CCDC102B: variants seen among roughly 807,000 people sequenced by gnomAD.
CCDC102B encodes the protein coiled-coil domain containing 102B.
In CCDC102B, 75 loss-of-function variants were observed where a neutral mutation model predicts 57.4. The ratio of observed to expected loss-of-function variants is 1.31; its 90% CI spans 1.08 to 1.58. CCDC102B has a LOEUF of 1.58. CCDC102B is among the 40% of genes most tolerant of loss of function. CCDC102B has a pLI of 0.00. For missense variants in CCDC102B, 636 were observed against 582.6 expected (o/e 1.09, Z -0.94); for synonymous variants, 206 against 201.9 (o/e 1.02, Z -0.17).
At chr18:68,745,174 G>A (rs182216804) in intron 2 of CCDC102B, among the ~76,000 whole-genome samples, 1 of 152,206 alleles carries the variant, frequency 6.6e-6, no homozygotes, top group East Asian at 1.9e-4. Flanking sequence ...GAAGTGGGGT[G>A]TGCTTGGTTC....
intron 2 of CCDC102B, among the ~76,000 whole-genome samples, chr18:68,735,892 G>A (rs1255868292): frequency 6.6e-6 from 1 of 152,086 alleles, no homozygotes; most frequent in Admixed American, 6.6e-5. Flanking sequence ...CTTCTAACGG[G>A]GTTAATTCCA....
chr18:68,884,235 C>A (rs2039795257), intron 5 of CCDC102B, among the ~76,000 whole-genome samples: 1 of 152,000 alleles, frequency 6.6e-6, no homozygotes, highest in African/African-American at 2.4e-5. Context: ...CACCATTATT[C>A]ACAATAGTCA....
Position 68,864,696 on chromosome 18 carries a change from G to T in CCDC102B, c.937-9973G>T, listed in dbSNP as rs115568152. Reference sequence around the variant, plus strand: ...ATTTTTATCCTTCTGTCCTTAAAAAGATCATATATGATTCAACTATCATTG... The same window carrying T: ...ATTTTTATCCTTCTGTCCTTAAAAATATCATATATGATTCAACTATCATTG... On this transcript the variant is annotated intron_variant, in intron 4 of 7. Transcript: ENST00000360242. 4.3e-3 allele frequency among the ~76,000 whole-genome samples: 658 copies of T among 152,038 alleles called. 4 individuals are homozygous for T. The highest frequency in any genetic ancestry group is 0.015 in the African/African-American group (618 of 41,502).
chr18:68,778,040 T>C (rs1026946158), intron 2 of CCDC102B, among the ~76,000 whole-genome samples: 1 of 152,104 alleles, frequency 6.6e-6, no homozygotes, highest in Non-Finnish European at 1.5e-5. Flanking sequence ...GAGGTAACAT[T>C]TTCAGGCAAG....
At chr18:68,728,430 A>C (rs904521452) in intron 2 of CCDC102B, among the ~76,000 whole-genome samples, 3 of 152,236 alleles carry the variant, frequency 2.0e-5, no homozygotes, top group African/African-American at 7.2e-5. Flanking sequence ...ATTGAACAAC[A>C]GAAACAAAAT....
At chr18:68,816,633 T>G (rs1314142122) in intron 1 of CCDC102B, among the ~76,000 whole-genome samples, 1 of 152,054 alleles carries the variant, frequency 6.6e-6, no homozygotes, top group Non-Finnish European at 1.5e-5. Context: ...GCCTGGCTAA[T>G]TTTTCTATTT....
intron 6 of CCDC102B, among the ~76,000 whole-genome samples, chr18:68,926,369 T>C (rs2041475826): frequency 6.6e-6 from 1 of 151,896 alleles, no homozygotes; most frequent in South Asian, 2.1e-4. Context: ...TGCAGAAGCA[T>C]TGATGAATCA....
At chr18:68,824,414 C>A (rs1339776497) in intron 1 of CCDC102B, among the ~76,000 whole-genome samples, 1 of 152,178 alleles carries the variant, frequency 6.6e-6, no homozygotes, top group Non-Finnish European at 1.5e-5. Context: ...TTGGCAAAGT[C>A]TTTAGGGTTT....
chr18:68,809,643 A>T (rs961482906), intron 1 of CCDC102B, among the ~76,000 whole-genome samples: 2 of 152,180 alleles, frequency 1.3e-5, no homozygotes, highest in South Asian at 2.1e-4. Context: ...TTTACATATA[A>T]TCAAAGGTAA....
Position 68,923,476 on chromosome 18 carries a change from C to T in CCDC102B, c.1263+26048C>T, listed in dbSNP as rs115539360. On this transcript the variant is annotated intron_variant, in intron 6 of 7. Coordinates refer to ENST00000360242, the MANE Select transcript of CCDC102B (RefSeq NM_024781.3). ...TTATTTAATACTAAAATAACTGCCA[C>T]GAATTGAGCACATAGTATGTGCAAT... 5.6e-3 allele frequency among the ~76,000 whole-genome samples: 844 copies of T among 151,888 alleles called. 11 individuals carry two copies. Among genetic ancestry groups the T allele is most frequent in the African/African-American group, 0.02 (810 of 41,406 alleles).
intron 2 of CCDC102B, among the ~76,000 whole-genome samples, chr18:68,779,111 A>G (rs554651733): frequency 2.0e-5 from 3 of 152,170 alleles, no homozygotes; most frequent in East Asian, 1.9e-4. Flanking sequence ...GATGTTCCCA[A>G]ATACCTTGCC....
intron 6 of CCDC102B, among the ~76,000 whole-genome samples, chr18:68,953,880 C>G (rs1178638034): frequency 6.6e-6 from 1 of 151,670 alleles, no homozygotes; most frequent in East Asian, 1.9e-4. Flanking sequence ...TTATCATGCG[C>G]TTTATATCTT....
At chr18:68,770,883 G>A (rs908257676) in intron 2 of CCDC102B, among the ~76,000 whole-genome samples, 7 of 152,214 alleles carry the variant, frequency 4.6e-5, no homozygotes, top group African/African-American at 7.2e-5. Context: ...GATTTAGAGC[G>A]AAGCTCAGAG....
At chr18:68,872,227 A>G (rs1411755047) in intron 4 of CCDC102B, among the ~76,000 whole-genome samples, 2 of 152,170 alleles carry the variant, frequency 1.3e-5, no homozygotes, top group South Asian at 2.1e-4. Context: ...GAAGTTGGAC[A>G]TGTGCATTCA....
chr18:68,985,278 A>G (rs768807374), intron 6 of CCDC102B, among the ~76,000 whole-genome samples: 2 of 152,164 alleles, frequency 1.3e-5, no homozygotes, highest in Non-Finnish European at 2.9e-5. Flanking sequence ...TTCTATATAA[A>G]TTCATATTTT....
At chr18:68,999,187 A>G (rs1005707858) in intron 6 of CCDC102B, among the ~76,000 whole-genome samples, 4 of 151,996 alleles carry the variant, frequency 2.6e-5, no homozygotes, top group Admixed American at 1.3e-4. Context: ...CTGGAGATGG[A>G]TAAGTGGATA....
chr18:68,957,470 G>C lies in CCDC102B; in HGVS notation c.1264-53464G>C, dbSNP rs147819658. On this transcript the variant is annotated intron_variant, in intron 6 of 7. Transcript: ENST00000360242. ...ATTATCTAATTTGTTCCATTGGTTT[G>C]TGAGTCTCTTTTTATGTCAGTACTG... 3.0e-3 allele frequency among the ~76,000 whole-genome samples: 453 copies of C among 150,866 alleles called. 1 individual carries two copies. The highest frequency in any genetic ancestry group is 5.1e-3 in the Non-Finnish European group (346 of 67,762).
intron 2 of CCDC102B, chr18:68,716,681 C>T (rs773623398): frequency 6.6e-6 from 1 of 152,244 alleles, no homozygotes; most frequent in African/African-American, 2.4e-5. Context: ...TGCCTATTAT[C>T]CCAGCACTTT....
In CCDC102B at chr18:69,053,323, C is replaced by CAT. The variant is rs10538584; in HGVS notation, c.1435-693_1435-692dup. Among the ~76,000 whole-genome samples the CAT allele has an allele frequency of 1.8e-3, 266 of 148,492 alleles. 2 individuals are homozygous for CAT. Among genetic ancestry groups the CAT allele is most frequent in the East Asian group, 6.9e-3 (35 of 5,078 alleles). On this transcript the variant is annotated intron_variant, in intron 7 of 7. Coordinates refer to ENST00000360242, the MANE Select transcript of CCDC102B (RefSeq NM_024781.3). ...CAATAATATATATAAATATATTTCA[C>CAT]ATATATATATATATACACTTAGCAT...
Sources: gnomAD v4.1 joint callset for allele counts (sites outside exome capture counted in the v4.1 genomes callset) on GRCh38, gnomAD v4.1.1 for gene constraint, MANE v1.5 for transcripts, NCBI Gene and HGNC (gene_info 2026-07-23, HGNC 2026-07-21) for gene names.